Variants in MARCHF1 observed in about 807,000 individuals in gnomAD.
MARCHF1 encodes membrane associated ring-CH-type finger 1.
MARCHF1 carries 40 observed loss-of-function variants against 54.2 expected under a neutral mutation model. The ratio of observed to expected loss-of-function variants is 0.74; its 90% CI spans 0.57 to 0.96. The LOEUF (loss-of-function observed/expected upper bound fraction) is 0.96. Among genes scored for constraint, MARCHF1 ranks in the 40% least tolerant of loss-of-function variants. MARCHF1 has a pLI of 0.00. For synonymous variants in MARCHF1, 236 were observed against 236.3 expected, an observed-to-expected ratio of 1.00 and a Z score of 0.01; for missense variants, 586 against 656.5, an observed-to-expected ratio of 0.89 and a Z score of 1.17.
intron 1 of MARCHF1, among the ~76,000 whole-genome samples, chr4:164,373,731 TA>T (rs1220907628): frequency 6.6e-6 from 1 of 152,110 alleles, no homozygotes; most frequent in Non-Finnish European, 1.5e-5. Flanking sequence ...AGATCCACTA[TA>T]AAAATATTCT....
At chr4:163,983,471 G>A (rs1315679700) in intron 3 of MARCHF1, among the ~76,000 whole-genome samples, 1 of 152,066 alleles carries the variant, frequency 6.6e-6, no homozygotes, top group Non-Finnish European at 1.5e-5. Context: ...AGCACCCAAT[G>A]TATATTCCAT....
chr4:163,596,099 A>G (rs181512876), intron 7 of MARCHF1, among the ~76,000 whole-genome samples: 2 of 152,242 alleles, frequency 1.3e-5, no homozygotes, highest in Admixed American at 1.3e-4. Context: ...ATGGAAAAAG[A>G]GAACAGATAT....
intron 3 of MARCHF1, among the ~76,000 whole-genome samples, chr4:163,929,476 G>C (rs1751607121): frequency 6.6e-6 from 1 of 151,928 alleles, no homozygotes; most frequent in Admixed American, 6.6e-5. Context: ...TGATGCCATA[G>C]TGATCAGATT....
chr4:164,085,248 A>G (rs1040432397), intron 2 of MARCHF1, among the ~76,000 whole-genome samples: 1 of 151,812 alleles, frequency 6.6e-6, no homozygotes, highest in Admixed American at 6.6e-5. Context: ...CTTCATCTCA[A>G]TCTCAGATAT....
At chr4:164,029,453 C>T (rs891568896) in intron 2 of MARCHF1, among the ~76,000 whole-genome samples, 1 of 152,070 alleles carries the variant, frequency 6.6e-6, no homozygotes, top group Non-Finnish European at 1.5e-5. Flanking sequence ...ACAGGCCCTA[C>T]CTTCCACACT....
chr4:163,754,303 G>A (rs1442613755), intron 4 of MARCHF1, among the ~76,000 whole-genome samples: 1 of 152,218 alleles, frequency 6.6e-6, no homozygotes, highest in African/African-American at 2.4e-5. Context: ...CCTTCAGCTA[G>A]AAGGGGCTTC....
intron 4 of MARCHF1, among the ~76,000 whole-genome samples, chr4:163,724,922 T>C (rs1342011958): frequency 6.6e-6 from 1 of 152,092 alleles, no homozygotes; most frequent in Admixed American, 6.5e-5. Context: ...TTCCCTTGGC[T>C]AGGAAAGGGA....
intron 1 of MARCHF1, among the ~76,000 whole-genome samples, chr4:164,244,954 T>G (rs184926564): frequency 0.052 from 7,965 of 152,086 alleles, 354 homozygotes; most frequent in East Asian, 0.16. Flanking sequence ...GCTGAAATTG[T>G]GGCAATAATC....
chr4:163,524,463 C>T (rs1579024581), downstream of MARCHF1: 2 of 152,082 alleles, frequency 1.3e-5, no homozygotes, highest in Admixed American at 6.6e-5. Context: ...GAGACAGTCC[C>T]GCTTTAGATT....
In MARCHF1 at chr4:163,528,230, T is replaced by TGTCA. The variant is rs1328808986; in HGVS notation, c.*514_*517dup. 1 of 153,276 alleles carries TGTCA rather than the reference T, an allele frequency of 6.5e-6. No individual in the cohort carries two copies. The highest frequency in any genetic ancestry group is 2.4e-5 in the African/African-American group (1 of 41,462). The allele number at this position is 153,276 out of a possible 1,614,324, so 9.5% of individuals were successfully genotyped here. On this transcript the variant is annotated 3_prime_UTR_variant, in exon 10 of 10. Coordinates refer to ENST00000514618, the MANE Select transcript of MARCHF1 (RefSeq NM_001394959.1). ...CACTAAACCATACAAATCTGTTAGC[T>TGTCA]GTCAAAGCATATCAAAATATGCATC...
At chr4:163,926,778 G>T (rs1019701497) in intron 3 of MARCHF1, among the ~76,000 whole-genome samples, 1 of 151,366 alleles carries the variant, frequency 6.6e-6, no homozygotes, top group African/African-American at 2.4e-5. Flanking sequence ...AAGAGGAATG[G>T]ATTACTATTT....
At chr4:163,740,978 G>A (rs939100222) in intron 4 of MARCHF1, among the ~76,000 whole-genome samples, 31 of 152,140 alleles carry the variant, frequency 2.0e-4, no homozygotes, top group African/African-American at 7.2e-4. Context: ...TCTTCAGGTT[G>A]CATGTTGTCC....
intron 5 of MARCHF1, among the ~76,000 whole-genome samples, chr4:163,682,997 A>G (rs1158597005): frequency 6.6e-6 from 1 of 152,212 alleles, no homozygotes; most frequent in African/African-American, 2.4e-5. Flanking sequence ...GTATTGTTGT[A>G]ATAAAATCAG....
At chr4:163,531,464 A>G (rs1738347269) in intron 9 of MARCHF1, among the ~76,000 whole-genome samples, 1 of 151,870 alleles carries the variant, frequency 6.6e-6, no homozygotes, top group Non-Finnish European at 1.5e-5. Flanking sequence ...CCTTAATGCG[A>G]TAAAGAACAT....
intron 1 of MARCHF1, among the ~76,000 whole-genome samples, chr4:164,269,418 G>A (rs1029875297): frequency 6.6e-6 from 1 of 151,676 alleles, no homozygotes; most frequent in African/African-American, 2.4e-5. Flanking sequence ...ATCAGGCCTT[G>A]TGACCAATGA....
chr4:164,071,282 T>C (rs1033868669), intron 2 of MARCHF1, among the ~76,000 whole-genome samples: 35 of 152,276 alleles, frequency 2.3e-4, no homozygotes, highest in Middle Eastern at 3.4e-3. Flanking sequence ...TTCTTGAAAG[T>C]GTTGGCATTA....
At chr4:164,087,513 T>A (rs917458456) in intron 2 of MARCHF1, among the ~76,000 whole-genome samples, 1 of 152,072 alleles carries the variant, frequency 6.6e-6, no homozygotes, top group Non-Finnish European at 1.5e-5. Flanking sequence ...GTCAGGTAAA[T>A]AGATTAGAGT....
At chr4:164,078,505 TACCCCAGA>T (rs1462763513) in intron 2 of MARCHF1, among the ~76,000 whole-genome samples, 1 of 151,228 alleles carries the variant, frequency 6.6e-6, no homozygotes, top group Admixed American at 6.6e-5. Context: ...TCTGCACATG[TACCCCAGA>T]ACTTAAAGTT....
At chr4:163,716,312 C>T (rs1207430845) in intron 4 of MARCHF1, among the ~76,000 whole-genome samples, 2 of 152,126 alleles carry the variant, frequency 1.3e-5, no homozygotes, top group Admixed American at 6.5e-5. Flanking sequence ...ATACAAAATG[C>T]ACAATATTAT....
Sources: allele counts gnomAD v4.1 joint callset (sites outside exome capture counted in the v4.1 genomes callset), GRCh38; gene constraint gnomAD v4.1.1; transcripts MANE v1.5; gene names NCBI Gene and HGNC (gene_info 2026-07-23, HGNC 2026-07-21).